Variants in TRIM67 observed in about 807,000 individuals in gnomAD.
TRIM67 encodes the protein tripartite motif containing 67, also known as tripartite motif-containing protein 67.
Under a neutral mutation model 71.0 loss-of-function variants are expected in TRIM67, and 39 were observed. The ratio of observed to expected loss-of-function variants is 0.55; its 90% CI spans 0.43 to 0.72. The LOEUF (loss-of-function observed/expected upper bound fraction) is 0.72. Among genes scored for constraint, TRIM67 ranks in the 30% least tolerant of loss-of-function variants. The pLI is 0.00. For synonymous variants in TRIM67, 481 were observed against 473.9 expected, an observed-to-expected ratio of 1.01 and a Z score of -0.19; for missense variants, 973 against 1,079.2, an observed-to-expected ratio of 0.90 and a Z score of 1.38.
intron 1 of TRIM67, chr1:231,187,550 A>G: frequency 6.5e-7 from 1 of 1,532,696 alleles, no homozygotes; most frequent in Non-Finnish European, 8.7e-7. Context: ...AAGGTGAGAG[A>G]AATCCCCTGT....
At position 231,176,906 on chromosome 1, in the gene TRIM67, C is replaced by CAAAAAAAAAAAAAAAAAAAAAA. The variant is rs56115614; in HGVS notation, c.1044+12910_1044+12911insAAAAAAAAAAAAAAAAAAAAAA. ...TACCCTGTTTGCCAATACAATCTGG[C>CAAAAAAAAAAAAAAAAAAAAAA]AAAAAAAAAAAAAAAAACACCTTTC... On this transcript the variant is annotated intron_variant, in intron 1 of 9. Coordinates refer to ENST00000366653, the MANE Select transcript of TRIM67 (RefSeq NM_001004342.5). 8.7e-4 allele frequency among the ~76,000 whole-genome samples: 65 copies of CAAAAAAAAAAAAAAAAAAAAAA among 74,360 alleles called. 3 individuals are homozygous for CAAAAAAAAAAAAAAAAAAAAAA. Among genetic ancestry groups the CAAAAAAAAAAAAAAAAAAAAAA allele is most frequent in the Non-Finnish European group, 1.3e-3 (54 of 40,558 alleles). 48.8% of individuals were successfully genotyped at this position (74,360 alleles called of 152,430 possible).
chr1:231,185,334 A>C, intron 1 of TRIM67: 1 of 1,016,952 alleles, frequency 9.8e-7, no homozygotes. Context: ...GAAAGTCAGA[A>C]GGGAGAATGG....
chr1:231,180,121 G>C (rs1682858523), intron 1 of TRIM67, among the ~76,000 whole-genome samples: 2 of 152,192 alleles, frequency 1.3e-5, no homozygotes, highest in South Asian at 4.1e-4. Flanking sequence ...TTGAGGGAAA[G>C]AGCTTTGCTT....
At chr1:231,176,577 G>A (rs1030592708) in intron 1 of TRIM67, among the ~76,000 whole-genome samples, 4 of 152,162 alleles carry the variant, frequency 2.6e-5, no homozygotes, top group African/African-American at 9.7e-5. Context: ...ATTATCTGCT[G>A]GTAGAGTGCC....
chr1:231,163,110 G>A lies in TRIM67; in HGVS notation c.141G>A (p.Gln47=). 6.4e-7 allele frequency: 1 copy of A among 1,564,220 alleles called. No individual in the cohort carries two copies. Among genetic ancestry groups the A allele is most frequent in the Non-Finnish European group, 8.6e-7 (1 of 1,156,394 alleles). The stretch of plus-strand genomic sequence containing the variant: ...CGGACGGTGAGCAGCACCTGCCCCA[G>A]CCGCTCCTGCTTTCCCGGGGATCGG... ...QTPDGEQHLP[Q]PLLLSRGSGL... The change falls in exon 1 of 10, where the codon CAG becomes CAA. Residue 47 remains glutamine, a synonymous_variant. Coordinates refer to ENST00000366653, the MANE Select transcript of TRIM67 (RefSeq NM_001004342.5).
Position 231,163,375 on chromosome 1 carries a change from G to A in TRIM67, c.406G>A (p.Gly136Ser), listed in dbSNP as rs1362355301. Residue 136 changes from glycine to serine, a missense_variant, in exon 1 of 10, where the codon GGC (glycine) becomes AGC (serine). Physicochemically the swap from Gly to Ser is moderately conservative, Grantham distance 56. Transcript: ENST00000366653. Reference protein sequence around the residue: ...RVLPMVPAPPGSSAAAARGAA... With the variant: ...RVLPMVPAPPSSSAAAARGAA... Reference sequence around the variant, plus strand: ...GCTGCCCATGGTGCCCGCACCACCCGGCTCCTCGGCTGCGGCGGCTCGGGG... The same window carrying A: ...GCTGCCCATGGTGCCCGCACCACCCAGCTCCTCGGCTGCGGCGGCTCGGGG... The A allele has an allele frequency of 2.6e-6, 4 of 1,535,266 alleles. No homozygotes were observed. The highest frequency in any genetic ancestry group is 3.5e-6 in the Non-Finnish European group (4 of 1,141,848).
intron 1 of TRIM67, among the ~76,000 whole-genome samples, chr1:231,193,204 G>T (rs1042619614): frequency 2.0e-5 from 3 of 152,184 alleles, no homozygotes; most frequent in Admixed American, 2.0e-4. Flanking sequence ...CAATTATTTT[G>T]CTTTTTATTC....
At chr1:231,164,446 C>T (rs1347652611) in intron 1 of TRIM67, among the ~76,000 whole-genome samples, 1 of 152,136 alleles carries the variant, frequency 6.6e-6, no homozygotes, top group Non-Finnish European at 1.5e-5. Context: ...TCTGATACTG[C>T]GAGAAAGAGA....
intron 5 of TRIM67, among the ~76,000 whole-genome samples, chr1:231,201,803 G>C (rs1683533244): frequency 1.3e-5 from 2 of 152,248 alleles, no homozygotes; most frequent in Non-Finnish European, 2.9e-5. Flanking sequence ...TGCTTGGAAA[G>C]TGTCTACCAT....
At chr1:231,214,473 G>A (rs1256322155) in intron 9 of TRIM67, among the ~76,000 whole-genome samples, 6 of 152,090 alleles carry the variant, frequency 3.9e-5, no homozygotes, top group Admixed American at 6.5e-5. Flanking sequence ...GGGATTTGTG[G>A]CAACCTAAAA....
At chr1:231,180,324 T>A (rs985153993) in intron 1 of TRIM67, among the ~76,000 whole-genome samples, 8 of 152,234 alleles carry the variant, frequency 5.3e-5, no homozygotes, top group African/African-American at 1.9e-4. Flanking sequence ...TGTATATACA[T>A]CTTTGCATGC....
At position 231,217,168 on chromosome 1, in the gene TRIM67, A is replaced by G; in HGVS notation, c.*1728A>G. The G allele has an allele frequency of 1.0e-6, 1 of 985,956 alleles. No homozygotes were observed. The allele number at this position is 985,956 out of a possible 1,614,324, so 61.1% of individuals were successfully genotyped here. A position where few individuals can be genotyped will look rare whatever the true frequency, so the allele number is the denominator to read the frequency against. ...CTCAAAGCTCATGCTCTTGGTCTGC[A>G]AGGCTGCTTGGTCCGCTGTCTCTGC... On this transcript the variant is annotated 3_prime_UTR_variant, in exon 10 of 10. Coordinates refer to ENST00000366653, the MANE Select transcript of TRIM67 (RefSeq NM_001004342.5).
chr1:231,184,347 G>A (rs1471378888), intron 1 of TRIM67: 1 of 152,106 alleles, frequency 6.6e-6, no homozygotes, highest in Non-Finnish European at 1.5e-5. Flanking sequence ...GGTAGAATGA[G>A]GACGTCGGCA....
At position 231,163,236 on chromosome 1, in the gene TRIM67, C is replaced by G; in HGVS notation, c.267C>G (p.Gly89=). ...GAGGSAAGGL[G]GGAGGGGDHA... is the part of the protein sequence containing the mutation. ...GCGGGAGTGCAGCTGGCGGCCTCGGCGGCGGTGCGGGAGGTGGCGGAGACC... is the reference window on the plus strand; with the variant it reads ...GCGGGAGTGCAGCTGGCGGCCTCGGGGGCGGTGCGGGAGGTGGCGGAGACC... Residue 89 remains glycine (G), a synonymous_variant, in exon 1 of 10, where the codon GGC becomes GGG. Coordinates refer to ENST00000366653, the MANE Select transcript of TRIM67 (RefSeq NM_001004342.5). The G allele has an allele frequency of 6.7e-7, 1 of 1,499,462 alleles. No individual in the cohort carries two copies. Among genetic ancestry groups the G allele is most frequent in the Non-Finnish European group, 8.9e-7 (1 of 1,124,338 alleles). 92.9% of individuals were successfully genotyped at this position (1,499,462 alleles called of 1,614,324 possible).
In TRIM67 at chr1:231,217,110, C is replaced by G; in HGVS notation, c.*1670C>G. On this transcript the variant is annotated 3_prime_UTR_variant, in exon 10 of 10. Coordinates refer to ENST00000366653, the MANE Select transcript of TRIM67 (RefSeq NM_001004342.5). Reference sequence around the variant, plus strand: ...CTGCCTGCCGGAGCCATGCAGGTACCCCCCCTCCACTCAGCAGGCCCGACA... The same window carrying G: ...CTGCCTGCCGGAGCCATGCAGGTACGCCCCCTCCACTCAGCAGGCCCGACA... 1.0e-6 allele frequency: 1 copy of G among 985,856 alleles called. No homozygotes were observed. The highest frequency in any genetic ancestry group is 1.2e-6 in the Non-Finnish European group (1 of 829,994). The allele number at this position is 985,856 out of a possible 1,614,324, so 61.1% of individuals were successfully genotyped here. A position where few individuals can be genotyped will look rare whatever the true frequency, so the allele number is the denominator to read the frequency against.
chr1:231,209,294 TG>T lies in TRIM67; in HGVS notation c.2123+47del. The T allele has an allele frequency of 6.7e-7, 1 of 1,496,704 alleles. No individual in the cohort carries two copies. The allele number at this position is 1,496,704 out of a possible 1,614,324, so 92.7% of individuals were successfully genotyped here. A position where few individuals can be genotyped will look rare whatever the true frequency, so the allele number is the denominator to read the frequency against. ...CTGCCTCCCGTGGACACAGGTTGTT[TG>T]GGAATGAGGGTCCTGAAGACCAGTG... On this transcript the variant is annotated intron_variant, in intron 8 of 9. Coordinates refer to ENST00000366653, the MANE Select transcript of TRIM67 (RefSeq NM_001004342.5). This position sits in a 1 kb window ranked among gnomAD's most constrained non-coding sequence, Gnocchi z 4.1.
At position 231,206,741 on chromosome 1, in the gene TRIM67, T is replaced by C. The variant is rs925441995; in HGVS notation, c.1770T>C (p.Ser590=). 1.9e-6 allele frequency: 3 copies of C among 1,611,480 alleles called. No individual in the cohort carries two copies. The highest frequency in any genetic ancestry group is 2.7e-5 in the African/African-American group (2 of 74,862). The part of the protein sequence containing the change: ...TYNARVKAFN[S]SGVGPYSKTV... ...ACGCCCGAGTCAAAGCTTTCAACTC[T>C]TCTGGTGTCGGGCCTTACAGTAAAA... The change falls in exon 7 of 10, where the codon TCT becomes TCC. Residue 590 remains serine, a synonymous_variant. Coordinates refer to ENST00000366653, the MANE Select transcript of TRIM67 (RefSeq NM_001004342.5).
intron 1 of TRIM67, among the ~76,000 whole-genome samples, chr1:231,191,636 C>T (rs981457195): frequency 2.6e-5 from 4 of 152,030 alleles, no homozygotes; most frequent in Non-Finnish European, 4.4e-5. Context: ...AGGTCAGTGG[C>T]GGCAGTTAAC....
rs1159766852 is a variant in TRIM67 at position 231,167,319 on chromosome 1, C to CTTTTTTTT, written c.1044+3320_1044+3327dup. On this transcript the variant is annotated intron_variant, in intron 1 of 9. Coordinates refer to ENST00000366653, the MANE Select transcript of TRIM67 (RefSeq NM_001004342.5). The stretch of plus-strand genomic sequence containing the variant: ...ACAGGACTTTTGATCACTCTAATGT[C>CTTTTTTTT]TTTTTTTTTTTTTTTTTTTTTGAGA... Among the ~76,000 whole-genome samples the CTTTTTTTT allele has an allele frequency of 2.1e-3, 110 of 51,844 alleles. 30 individuals are homozygous for CTTTTTTTT. The highest frequency in any genetic ancestry group is 3.4e-3 in the Non-Finnish European group (92 of 27,220). The allele number at this position is 51,844 out of a possible 152,430, so 34.0% of individuals were successfully genotyped here.
Sources: allele counts gnomAD v4.1 joint callset (sites outside exome capture counted in the v4.1 genomes callset), GRCh38; gene constraint gnomAD v4.1.1; non-coding constraint Gnocchi (gnomAD v3.1); transcripts MANE v1.5; gene names NCBI Gene and HGNC (gene_info 2026-07-23, HGNC 2026-07-21).